Variants in CPQ observed in about 807,000 individuals in gnomAD.
CPQ encodes Ser-Met dipeptidase.
A neutral mutation model predicts 45.7 loss-of-function variants in CPQ; 37 were observed. That is an observed-to-expected ratio of 0.81 (90% CI 0.62 to 1.07). The LOEUF is 1.07. Ranked by LOEUF, CPQ falls within the 50% of genes least tolerant of loss-of-function variation. CPQ has a pLI of 0.00. For missense variants in CPQ, 537 were observed against 572.9 expected (o/e 0.94, Z 0.64); for synonymous variants, 186 against 205.8 (o/e 0.90, Z 0.82).
intron 1 of CPQ, among the ~76,000 whole-genome samples, chr8:96,666,277 T>C (rs1808924004): frequency 1.3e-5 from 2 of 152,202 alleles, no homozygotes; most frequent in African/African-American, 4.8e-5. Flanking sequence ...AGTTTCTGTA[T>C]GAAAGGCATG....
At chr8:96,926,570 C>T (rs796537335) in intron 4 of CPQ, among the ~76,000 whole-genome samples, 111 of 46,646 alleles carry the variant, frequency 2.4e-3, no homozygotes, top group African/African-American at 0.014. Flanking sequence ...CTTCCTCTTC[C>T]TCTTCCTCTT....
At chr8:97,088,442 C>T (rs956881588) in intron 7 of CPQ, among the ~76,000 whole-genome samples, 3 of 152,114 alleles carry the variant, frequency 2.0e-5, no homozygotes, top group African/African-American at 7.2e-5. Context: ...TGAGACTTTT[C>T]TAAAAAGAAA....
chr8:97,126,758 T>A lies in CPQ; in HGVS notation c.1256-16262T>A, dbSNP rs190949980. Among the ~76,000 whole-genome samples, 395 of 151,990 alleles carry A rather than the reference T, an allele frequency of 2.6e-3. 2 individuals are homozygous for A. Among genetic ancestry groups the A allele is most frequent in the African/African-American group, 8.5e-3 (352 of 41,474 alleles). ...AAAATTTTGAAAAGGAGAAAAAAAA[T>A]TTGAGGACTTACTCTGATTTCAAAA... On this transcript the variant is annotated intron_variant, in intron 7 of 7. Transcript: ENST00000220763.
intron 5 of CPQ, among the ~76,000 whole-genome samples, chr8:97,009,282 T>A (rs532221881): frequency 1.3e-5 from 2 of 152,296 alleles, no homozygotes; most frequent in South Asian, 2.1e-4. Context: ...AGACTGACAC[T>A]TTCCTCTCGG....
Position 96,794,382 on chromosome 8 carries a change from A to T in CPQ, c.433+9052A>T, listed in dbSNP as rs183285728. Among the ~76,000 whole-genome samples, 49 of 152,252 alleles carry T rather than the reference A, an allele frequency of 3.2e-4. 1 individual carries two copies. Among genetic ancestry groups the T allele is most frequent in the Non-Finnish European group, 2.9e-5 (2 of 68,014 alleles). On this transcript the variant is annotated intron_variant, in intron 2 of 7. Transcript: ENST00000220763. The stretch of plus-strand genomic sequence containing the variant: ...TCTACATTGGCCCCTTTCAGCCACA[A>T]CTAGAGCGACTGGAACGCAGGTCAC...
rs148927909 is a variant in CPQ at position 96,979,573 on chromosome 8, A to G, written c.961+13527A>G. Reference sequence around the variant, plus strand: ...AAAGCTGTGGTTTACCCAGCTTCCAATGAATTTTGTTCCAGTAAACTTGCC... The same window carrying G: ...AAAGCTGTGGTTTACCCAGCTTCCAGTGAATTTTGTTCCAGTAAACTTGCC... On this transcript the variant is annotated intron_variant, in intron 5 of 7. Transcript: ENST00000220763. Among the ~76,000 whole-genome samples, 46 of 152,290 alleles carry G rather than the reference A, an allele frequency of 3.0e-4. 1 individual carries two copies. The East Asian group carries it at 8.1e-3, about 27-fold the overall frequency.
intron 4 of CPQ, among the ~76,000 whole-genome samples, chr8:96,908,367 A>C (rs1346865896): frequency 6.6e-6 from 1 of 152,146 alleles, no homozygotes; most frequent in African/African-American, 2.4e-5. Context: ...GCATCTTGCA[A>C]GAGAGATTAG....
chr8:97,051,278 A>G (rs1810357185), intron 6 of CPQ, among the ~76,000 whole-genome samples: 1 of 152,232 alleles, frequency 6.6e-6, no homozygotes, highest in Non-Finnish European at 1.5e-5. Context: ...AATAAAATGC[A>G]TAGTATTACA....
intron 1 of CPQ, among the ~76,000 whole-genome samples, chr8:96,723,215 C>G (rs986212858): frequency 6.6e-6 from 1 of 151,892 alleles, no homozygotes; most frequent in Non-Finnish European, 1.5e-5. Context: ...AAAATTGGGT[C>G]TACTGGTTTT....
chr8:96,987,621 C>T (rs1397348241), intron 5 of CPQ, among the ~76,000 whole-genome samples: 2 of 152,256 alleles, frequency 1.3e-5, no homozygotes, highest in East Asian at 3.9e-4. Context: ...GAGTTTCAAC[C>T]TTTGTTAATC....
At chr8:96,835,878 G>C (rs185965707) in intron 3 of CPQ, among the ~76,000 whole-genome samples, 73 of 152,288 alleles carry the variant, frequency 4.8e-4, no homozygotes, top group Non-Finnish European at 9.0e-4. Context: ...CATAGGACTT[G>C]TCTTTTTCTT....
chr8:96,932,060 A>G (rs1201079841), intron 4 of CPQ, among the ~76,000 whole-genome samples: 1 of 152,188 alleles, frequency 6.6e-6, no homozygotes, highest in Non-Finnish European at 1.5e-5. Context: ...AAATTTTTTC[A>G]AACATATTTT....
At chr8:97,095,043 CTCT>C (rs1811187757) in intron 7 of CPQ, among the ~76,000 whole-genome samples, 1 of 152,142 alleles carries the variant, frequency 6.6e-6, no homozygotes, top group South Asian at 2.1e-4. Context: ...CTCTTAACTC[CTCT>C]TTTCATTCCT....
intron 1 of CPQ, among the ~76,000 whole-genome samples, chr8:96,664,873 A>T (rs1808899352): frequency 6.6e-6 from 1 of 152,200 alleles, no homozygotes; most frequent in African/African-American, 2.4e-5. Context: ...CTGAATGATG[A>T]TGATACAGGA....
intron 2 of CPQ, among the ~76,000 whole-genome samples, chr8:96,833,073 G>A (rs1457456872): frequency 2.0e-5 from 3 of 152,108 alleles, no homozygotes; most frequent in African/African-American, 4.8e-5. Context: ...GATTTCTAAG[G>A]AGTAAAATTA....
intron 5 of CPQ, among the ~76,000 whole-genome samples, chr8:96,996,203 G>A (rs907704604): frequency 1.3e-5 from 2 of 151,958 alleles, no homozygotes; most frequent in Non-Finnish European, 2.9e-5. Context: ...TAGGGAAGGT[G>A]GAAGTCTTCT....
chr8:96,857,864 G>T (rs1335790265), intron 3 of CPQ, among the ~76,000 whole-genome samples: 2 of 152,166 alleles, frequency 1.3e-5, no homozygotes, highest in Non-Finnish European at 2.9e-5. Context: ...ACTGAGTTTA[G>T]CATCATGCTA....
intron 1 of CPQ, among the ~76,000 whole-genome samples, chr8:96,654,211 T>G (rs1586346149): frequency 6.6e-6 from 1 of 152,252 alleles, no homozygotes; most frequent in East Asian, 1.9e-4. Flanking sequence ...GTCTATTAGC[T>G]CTTGAATTTC....
At chr8:96,978,387 T>G (rs533451968) in intron 5 of CPQ, among the ~76,000 whole-genome samples, 1 of 152,362 alleles carries the variant, frequency 6.6e-6, no homozygotes, top group Admixed American at 6.5e-5. Flanking sequence ...ACTTAGAATG[T>G]GGTCTACCTT....
Sources: gnomAD v4.1 joint callset for allele counts (sites outside exome capture counted in the v4.1 genomes callset) on GRCh38, gnomAD v4.1.1 for gene constraint, MANE v1.5 for transcripts, NCBI Gene and HGNC (gene_info 2026-07-23, HGNC 2026-07-21) for gene names.